Variants in CLUL1 observed in about 807,000 individuals in gnomAD.
CLUL1 encodes the protein clusterin-like protein 1.
Under a neutral mutation model 49.4 loss-of-function variants are expected in CLUL1, and 43 were observed. That is an observed-to-expected ratio of 0.87 (90% CI 0.68 to 1.12). The LOEUF is 1.12. Among genes scored for constraint, CLUL1 ranks in the 50% most tolerant of loss-of-function variants. The probability of loss-of-function intolerance (pLI) is 0.00; values close to 1 mark genes in which losing one functional copy is unlikely to be tolerated. For synonymous variants in CLUL1, 192 were observed against 184.9 expected (o/e 1.04, Z -0.31); for missense variants, 486 against 544.4 (o/e 0.89, Z 1.07).
chr18:639,776 C>CA (rs992671700), intron 7 of CLUL1, among the ~76,000 whole-genome samples: 82 of 149,466 alleles, frequency 5.5e-4, no homozygotes, highest in Admixed American at 4.7e-4. Context: ...AACAAACAAA[C>CA]AAAAAAAACA....
intron 9 of CLUL1, among the ~76,000 whole-genome samples, chr18:648,465 A>T (rs11877057): frequency 1.2e-4 from 18 of 152,186 alleles, no homozygotes; most frequent in African/African-American, 4.3e-4. Context: ...TAATCCCACC[A>T]TCTTAACACA....
At chr18:607,782 C>A (rs995044762) in intron 2 of CLUL1, among the ~76,000 whole-genome samples, 1 of 152,028 alleles carries the variant, frequency 6.6e-6, no homozygotes, top group African/African-American at 2.4e-5. Context: ...AGGCTGGTCT[C>A]CACTCCTGGT....
In CLUL1 at chr18:647,910, G is replaced by A. The variant is rs368102324; in HGVS notation, c.1398-1988G>A. On this transcript the variant is annotated intron_variant, in intron 9 of 9. Coordinates refer to ENST00000692774, the MANE Select transcript of CLUL1 (RefSeq NM_001393344.1). The stretch of plus-strand genomic sequence containing the variant: ...CCATCCCGAGACCTACAGTCCATGA[G>A]GGTACCACCGTTCTAGGGTTTTTGC... 1.1e-4 allele frequency among the ~76,000 whole-genome samples: 17 copies of A among 152,268 alleles called. No individual in the cohort carries two copies. The East Asian group carries it at 1.7e-3, about 16-fold the overall frequency.
Position 617,544 on chromosome 18 carries a change from G to A in CLUL1, c.-13-444G>A, listed in dbSNP as rs540648536. On this transcript the variant is annotated intron_variant, in intron 2 of 9. Coordinates refer to ENST00000692774, the MANE Select transcript of CLUL1 (RefSeq NM_001393344.1). ...TGGGAGGTGGAGGTTGCGGTGGGCCGAGATCACGCCATTGCACTCCAGCCT... is the reference window on the plus strand; with the variant it reads ...TGGGAGGTGGAGGTTGCGGTGGGCCAAGATCACGCCATTGCACTCCAGCCT... Among the ~76,000 whole-genome samples the A allele has an allele frequency of 5.2e-5, 7 of 134,736 alleles. 1 individual carries two copies. In the South Asian group the frequency reaches 1.4e-3, roughly 27 times the overall value. The allele number at this position is 134,736 out of a possible 152,430, so 88.4% of individuals were successfully genotyped here.
intron 8 of CLUL1, among the ~76,000 whole-genome samples, chr18:642,908 G>A (rs1041626034): frequency 6.6e-6 from 1 of 152,162 alleles, no homozygotes; most frequent in Non-Finnish European, 1.5e-5. Context: ...CACTTCTCTA[G>A]TTTGCTTTCC....
At chr18:640,182 C>T (rs2074299316) in intron 7 of CLUL1, among the ~76,000 whole-genome samples, 2 of 151,910 alleles carry the variant, frequency 1.3e-5, no homozygotes, top group South Asian at 4.2e-4. Flanking sequence ...ACCCCTTAGA[C>T]AATAATTTAG....
At position 614,311 on chromosome 18, in the gene CLUL1, A is replaced by AAGGG. The variant is rs2143974323; in HGVS notation, c.-13-3667_-13-3664dup. ...TAAGGAAAGAAGGAAGGGAGGAAGG[A>AAGGG]AGGGAGGGAGGGAAGGAAGGGAGGG... On this transcript the variant is annotated intron_variant, in intron 2 of 9. Coordinates refer to ENST00000692774, the MANE Select transcript of CLUL1 (RefSeq NM_001393344.1). Among the ~76,000 whole-genome samples the AAGGG allele has an allele frequency of 2.2e-5, 3 of 134,976 alleles. No individual in the cohort carries two copies. The South Asian group carries it at 9.3e-4, about 42-fold the overall frequency. The allele number at this position is 134,976 out of a possible 152,430, so 88.5% of individuals were successfully genotyped here.
chr18:625,150 T>A (rs2073645716), intron 5 of CLUL1, 118 bp downstream of exon 5: 1 of 999,608 alleles, frequency 1.0e-6, no homozygotes, highest in South Asian at 1.8e-5. Context: ...AGGGGCCTTT[T>A]GCTTTCTAGA....
At chr18:622,875 C>T (rs570737836) in intron 4 of CLUL1, among the ~76,000 whole-genome samples, 1 of 151,986 alleles carries the variant, frequency 6.6e-6, no homozygotes. Context: ...GAGACTAAGG[C>T]TTATATGTAT....
At chr18:646,985 A>T (rs1244800042) in intron 9 of CLUL1, among the ~76,000 whole-genome samples, 1 of 151,876 alleles carries the variant, frequency 6.6e-6, no homozygotes, top group Non-Finnish European at 1.5e-5. Flanking sequence ...TCCTGACCTC[A>T]AGTAATCCAC....
intron 2 of CLUL1, among the ~76,000 whole-genome samples, chr18:609,673 A>C (rs1019928471): frequency 2.0e-5 from 3 of 152,088 alleles, no homozygotes; most frequent in African/African-American, 7.2e-5. Flanking sequence ...AAAATAAAAA[A>C]GTTAGCCTGG....
At chr18:626,735 A>C (rs1209411349) in intron 5 of CLUL1, among the ~76,000 whole-genome samples, 1 of 149,568 alleles carries the variant, frequency 6.7e-6, no homozygotes, top group Non-Finnish European at 1.5e-5. Flanking sequence ...GCGGTGTGCA[A>C]CTGTAATCCC....
In CLUL1 at chr18:616,662, C is replaced by G. The variant is rs2073301949; in HGVS notation, c.-13-1326C>G. ...ACACTGTGTCATCAAACTGATAGGA[C>G]ACAGCTAAATCCCTGACACGGATGA... On this transcript the variant is annotated intron_variant, in intron 2 of 9. Coordinates refer to ENST00000692774, the MANE Select transcript of CLUL1 (RefSeq NM_001393344.1). The G allele has an allele frequency of 2.2e-6, 2 of 892,646 alleles. 1 individual carries two copies. Among genetic ancestry groups the G allele is most frequent in the African/African-American group, 3.6e-5 (2 of 55,414 alleles). The allele number at this position is 892,646 out of a possible 1,614,324, so 55.3% of individuals were successfully genotyped here. A position where few individuals can be genotyped will look rare whatever the true frequency, so the allele number is the denominator to read the frequency against.
rs370636317 is a variant in CLUL1 at position 641,526 on chromosome 18, C to A, written c.1194C>A (p.Ile398=). Residue 398 remains isoleucine (I), a synonymous_variant, in exon 8 of 10, where the codon ATC becomes ATA. Coordinates refer to ENST00000692774, the MANE Select transcript of CLUL1 (RefSeq NM_001393344.1). Reference sequence around the variant, plus strand: ...ACCAGGCCCCAGAAACAGAGATCATCTTTAATTCAATACAGGTAAAGGAGA... The same window carrying A: ...ACCAGGCCCCAGAAACAGAGATCATATTTAATTCAATACAGGTAAAGGAGA... ...LANQAPETEI[I]FNSIQVVPRI... 1.9e-5 allele frequency: 31 copies of A among 1,613,954 alleles called. No homozygotes were observed. Among genetic ancestry groups the A allele is most frequent in the Non-Finnish European group, 2.5e-5 (30 of 1,179,988 alleles).
At chr18:626,880 AAAG>A (rs2073745815) in intron 5 of CLUL1, among the ~76,000 whole-genome samples, 1 of 200 alleles carries the variant, frequency 5.0e-3, no homozygotes, top group African/African-American at 5.4e-3. Flanking sequence ...AGAAAGAAAG[AAAG>A]AAAGAAAGAA....
intron 6 of CLUL1, 99 bp downstream of exon 6, chr18:627,628 C>G (rs185939340): frequency 2.3e-6 from 2 of 858,858 alleles, no homozygotes; most frequent in Non-Finnish European, 3.5e-6. Flanking sequence ...CATTGTATAG[C>G]ATTTCTTGAA....
At chr18:598,779 G>T (rs1052327401) in intron 1 of CLUL1, among the ~76,000 whole-genome samples, 19 of 152,144 alleles carry the variant, frequency 1.2e-4, no homozygotes, top group Non-Finnish European at 1.2e-4. Context: ...ATATGCCCTT[G>T]CAAGAAATAG....
chr18:617,595 C>CAAAA (rs11422881), intron 2 of CLUL1, among the ~76,000 whole-genome samples: 5 of 81,906 alleles, frequency 6.1e-5, no homozygotes, highest in African/African-American at 2.1e-4. Flanking sequence ...AACTCCGTCT[C>CAAAA]AAAAAAAAAA....
chr18:629,536 T>C (rs778748166), intron 6 of CLUL1, among the ~76,000 whole-genome samples: 1 of 152,106 alleles, frequency 6.6e-6, no homozygotes, highest in Non-Finnish European at 1.5e-5. Flanking sequence ...GCTACGAACA[T>C]AGGTTTCCAC....
Sources: allele counts gnomAD v4.1 joint callset (sites outside exome capture counted in the v4.1 genomes callset), GRCh38; gene constraint gnomAD v4.1.1; transcripts MANE v1.5; gene names NCBI Gene and HGNC (gene_info 2026-07-23, HGNC 2026-07-21).